Variants in DAAM1 observed in about 807,000 individuals in gnomAD.
DAAM1 encodes the protein disheveled-associated activator of morphogenesis 1.
A neutral mutation model predicts 130.0 loss-of-function variants in DAAM1; 52 were observed. That is an observed-to-expected ratio of 0.40 (90% CI 0.32 to 0.50). DAAM1 has a LOEUF of 0.50. DAAM1 is among the 20% of genes least tolerant of loss of function. The probability of loss-of-function intolerance (pLI) is 0.61; values close to 1 mark genes in which losing one functional copy is unlikely to be tolerated. For missense variants in DAAM1, 1,134 were observed against 1,303.8 expected, an observed-to-expected ratio of 0.87 and a Z score of 2.01; for synonymous variants, 452 against 444.5, an observed-to-expected ratio of 1.02 and a Z score of -0.21.
intron 3 of DAAM1, among the ~76,000 whole-genome samples, chr14:59,294,591 G>T (rs1381183055): frequency 6.6e-6 from 1 of 150,664 alleles, no homozygotes; most frequent in East Asian, 2.0e-4. Flanking sequence ...TTTCATGAAA[G>T]GTCCAAAAAG....
chr14:59,340,576 T>C (rs988923073), intron 16 of DAAM1, among the ~76,000 whole-genome samples: 1 of 152,250 alleles, frequency 6.6e-6, no homozygotes, highest in Admixed American at 6.5e-5. Context: ...CTTTCTAATG[T>C]CACCTTTTTT....
At chr14:59,222,516 T>G (rs1047989317) in intron 1 of DAAM1, among the ~76,000 whole-genome samples, 2 of 152,206 alleles carry the variant, frequency 1.3e-5, no homozygotes, top group Non-Finnish European at 2.9e-5. Context: ...CAGCAGTGGC[T>G]GTAGCCAGGT....
intron 12 of DAAM1, among the ~76,000 whole-genome samples, chr14:59,328,615 C>T (rs1885303148): frequency 6.6e-6 from 1 of 152,220 alleles, no homozygotes; most frequent in Admixed American, 6.5e-5. Context: ...TCTTCTCCCC[C>T]AGTCTCGACC....
At chr14:59,302,461 C>T (rs1296272067) in intron 3 of DAAM1, among the ~76,000 whole-genome samples, 1 of 152,112 alleles carries the variant, frequency 6.6e-6, no homozygotes. Context: ...GTTAGAGAAG[C>T]AACTCCCTCA....
chr14:59,360,842 GGCTTGAAA>G lies in DAAM1; in HGVS notation c.2677_2684del (p.Leu893SerfsTer18). The G allele has an allele frequency of 6.2e-7, 1 of 1,613,848 alleles. No individual in the cohort carries two copies. Among genetic ancestry groups the G allele is most frequent in the South Asian group, 1.1e-5 (1 of 91,012 alleles). On this transcript the variant is annotated frameshift_variant, in exon 22 of 25. Transcript: ENST00000360909. LOFTEE classifies it high-confidence loss of function. ...CAAAGAAATAAGTACCTTGAGAAGT[GGCTTGAAA>G]GCAGTAGAGACAGTGAGTATTTTTT...
In DAAM1 at chr14:59,370,901, T is replaced by C. The variant is rs918512818; in HGVS notation, c.*2042T>C. 1.3e-5 allele frequency: 2 copies of C among 152,196 alleles called. No individual in the cohort carries two copies. Among genetic ancestry groups the C allele is most frequent in the Non-Finnish European group, 2.9e-5 (2 of 68,022 alleles). The allele number at this position is 152,196 out of a possible 1,614,324, so 9.4% of individuals were successfully genotyped here. A position where few individuals can be genotyped will look rare whatever the true frequency, so the allele number is the denominator to read the frequency against. The stretch of plus-strand genomic sequence containing the variant: ...TGGAACTGTATTTTGAAAATGGCTT[T>C]GTCTTACAGTTTAAGGAATAGACAG... On this transcript the variant is annotated 3_prime_UTR_variant, in exon 25 of 25. Coordinates refer to ENST00000360909, the MANE Select transcript of DAAM1 (RefSeq NM_001270520.2).
At chr14:59,296,124 T>C (rs1055068013) in intron 3 of DAAM1, among the ~76,000 whole-genome samples, 1 of 152,222 alleles carries the variant, frequency 6.6e-6, no homozygotes, top group African/African-American at 2.4e-5. Flanking sequence ...GAAGTAGCAA[T>C]GATTAGAAAG....
chr14:59,351,108 A>T (rs1215366907), intron 17 of DAAM1, among the ~76,000 whole-genome samples: 1 of 147,250 alleles, frequency 6.8e-6, no homozygotes, highest in East Asian at 2.1e-4. Flanking sequence ...GTTCCCTGTT[A>T]TGTTGTTGCC....
intron 1 of DAAM1, among the ~76,000 whole-genome samples, chr14:59,247,468 G>C (rs1881438922): frequency 6.6e-6 from 1 of 152,166 alleles, no homozygotes; most frequent in East Asian, 1.9e-4. Flanking sequence ...TCTGTAGATT[G>C]CTTTAGATAG....
intron 3 of DAAM1, among the ~76,000 whole-genome samples, chr14:59,310,533 A>C (rs1001512303): frequency 3.9e-5 from 6 of 152,156 alleles, no homozygotes; most frequent in African/African-American, 1.4e-4. Context: ...AAATTTCTAA[A>C]AGCAGGTTCT....
intron 15 of DAAM1, chr14:59,338,484 G>A (rs554384222): frequency 3.7e-5 from 57 of 1,549,184 alleles, no homozygotes; most frequent in South Asian, 2.7e-4. Context: ...AAATCTCTTC[G>A]TTATCCAGGG....
In DAAM1 at chr14:59,324,309, TA is replaced by T. The variant is rs771997850; in HGVS notation, c.886-37del. 2.7e-6 allele frequency: 4 copies of T among 1,488,028 alleles called. No homozygotes were observed. The East Asian group carries it at 7.2e-5, about 27-fold the overall frequency. The allele number at this position is 1,488,028 out of a possible 1,614,324, so 92.2% of individuals were successfully genotyped here. ...TATAAAAAGTGATTATTATGTAGTC[TA>T]AAAACCACAAATATGTATTTTATTG... is the stretch of plus-strand genomic sequence containing the variant. On this transcript the variant is annotated intron_variant, in intron 7 of 24. Coordinates refer to ENST00000360909, the MANE Select transcript of DAAM1 (RefSeq NM_001270520.2).
At chr14:59,250,016 C>A (rs922755488) in intron 1 of DAAM1, among the ~76,000 whole-genome samples, 1 of 152,148 alleles carries the variant, frequency 6.6e-6, no homozygotes, top group Non-Finnish European at 1.5e-5. Flanking sequence ...ATACTAAAAT[C>A]TCTTGTTCTT....
intron 1 of DAAM1, among the ~76,000 whole-genome samples, chr14:59,204,431 G>T (rs561176613): frequency 6.6e-6 from 1 of 152,152 alleles, no homozygotes; most frequent in Non-Finnish European, 1.5e-5. Flanking sequence ...TCCATGCCAC[G>T]TGGAGAACAT....
At chr14:59,268,307 A>G (rs1288041790) in intron 2 of DAAM1, among the ~76,000 whole-genome samples, 7 of 152,206 alleles carry the variant, frequency 4.6e-5, no homozygotes, top group Admixed American at 4.6e-4. Flanking sequence ...ATAAATATCC[A>G]TATGTAAGTT....
chr14:59,242,350 G>T (rs549837888), intron 1 of DAAM1, among the ~76,000 whole-genome samples: 1 of 152,118 alleles, frequency 6.6e-6, no homozygotes, highest in African/African-American at 2.4e-5. Context: ...AGCAGGGGTA[G>T]AATAATAATA....
chr14:59,280,404 C>T (rs1883156465), intron 2 of DAAM1, among the ~76,000 whole-genome samples: 1 of 152,080 alleles, frequency 6.6e-6, no homozygotes, highest in East Asian at 1.9e-4. Context: ...CACTGCACTC[C>T]AGCCTGGATG....
At chr14:59,329,283 A>G (rs9323346) in intron 12 of DAAM1, among the ~76,000 whole-genome samples, 33,237 of 152,122 alleles carry the variant, frequency 0.22, 3,743 homozygotes, top group East Asian at 0.32. Context: ...GCAAGTTTCT[A>G]GTCCTGAAAT....
chr14:59,282,570 C>A (rs560638425), intron 2 of DAAM1, among the ~76,000 whole-genome samples: 2 of 152,032 alleles, frequency 1.3e-5, no homozygotes, highest in African/African-American at 4.8e-5. Flanking sequence ...GTATCAGTGT[C>A]GTGATTTTGC....
Sources: allele counts gnomAD v4.1 joint callset (sites outside exome capture counted in the v4.1 genomes callset), GRCh38; gene constraint gnomAD v4.1.1; transcripts MANE v1.5; gene names NCBI Gene and HGNC (gene_info 2026-07-23, HGNC 2026-07-21).